The following CACNG2 variants were observed in gnomAD, a reference collection of about 807,000 sequenced individuals.
The protein encoded by CACNG2 is voltage-dependent calcium channel gamma-2 subunit.
CACNG2 carries 3 observed loss-of-function variants against 25.9 expected under a neutral mutation model. The observed-to-expected ratio is 0.12, with a 90% CI of 0.05 to 0.30. The LOEUF is 0.30. CACNG2 is among the 10% of genes least tolerant of loss of function. The pLI is 1.00. For synonymous variants in CACNG2, 167 were observed against 173.3 expected (o/e 0.96, Z 0.29); for missense variants, 341 against 432.5 (o/e 0.79, Z 1.88).
intron 2 of CACNG2, among the ~76,000 whole-genome samples, chr22:36,580,573 T>G (rs904788604): frequency 6.6e-6 from 1 of 152,050 alleles, no homozygotes; most frequent in Non-Finnish European, 1.5e-5. Context: ...TCACACCCCC[T>G]GGAGGGAGTA....
intron 1 of CACNG2, among the ~76,000 whole-genome samples, chr22:36,636,836 T>C (rs959134620): frequency 6.6e-6 from 1 of 152,246 alleles, no homozygotes; most frequent in Non-Finnish European, 1.5e-5. Context: ...TAGGCAGGCA[T>C]TCACGTGGCT....
At chr22:36,577,628 G>C (rs564292387) in intron 2 of CACNG2, among the ~76,000 whole-genome samples, 3 of 146,448 alleles carry the variant, frequency 2.0e-5, no homozygotes, top group Non-Finnish European at 3.0e-5. Flanking sequence ...CCAGTCTGGC[G>C]ACAGAGTGAG....
chr22:36,586,193 C>T (rs930857281), intron 2 of CACNG2, among the ~76,000 whole-genome samples: 3 of 152,234 alleles, frequency 2.0e-5, no homozygotes, highest in African/African-American at 7.2e-5. Context: ...AGGCCCCATC[C>T]ATCTTGGCCT....
chr22:36,599,676 T>C (rs1935725801), intron 1 of CACNG2, among the ~76,000 whole-genome samples: 1 of 152,070 alleles, frequency 6.6e-6, no homozygotes, highest in Non-Finnish European at 1.5e-5. Context: ...CTCCAGTTTG[T>C]GTGACAGAGG....
intron 2 of CACNG2, chr22:36,584,408 T>G (rs1935467643): frequency 6.6e-6 from 1 of 152,394 alleles, no homozygotes; most frequent in South Asian, 2.1e-4. Context: ...TTACTTGCAC[T>G]CCAGCCTGGA....
intron 2 of CACNG2, among the ~76,000 whole-genome samples, chr22:36,579,838 C>T (rs764592301): frequency 6.6e-5 from 10 of 152,228 alleles, no homozygotes; most frequent in African/African-American, 1.7e-4. Flanking sequence ...TCCTTTAGGT[C>T]TCTGCTTCAA....
intron 1 of CACNG2, among the ~76,000 whole-genome samples, chr22:36,619,004 T>C (rs1388529749): frequency 6.6e-6 from 1 of 152,204 alleles, no homozygotes; most frequent in African/African-American, 2.4e-5. Flanking sequence ...GAAATTAACT[T>C]TTAGGGAGTG....
rs113515853 is a variant in CACNG2, at chr22:36,648,451, C to T, written c.211+53915G>A. Among the ~76,000 whole-genome samples the T allele has an allele frequency of 9.8e-4, 149 of 152,308 alleles. No homozygotes were observed. In the Middle Eastern group the frequency reaches 0.01, roughly 10 times the overall value. ...CGACCCTCTCTTGCTAGGTTCCTGC[C>T]GGCATTTCTAGCTTGTCTTGCCCTC... is the stretch of plus-strand genomic sequence containing the variant. On this transcript the variant is annotated intron_variant, in intron 1 of 3. Coordinates refer to ENST00000300105, the MANE Select transcript of CACNG2 (RefSeq NM_006078.5).
At chr22:36,691,227 C>G (rs962160044) in intron 1 of CACNG2, among the ~76,000 whole-genome samples, 1 of 152,132 alleles carries the variant, frequency 6.6e-6, no homozygotes, top group Non-Finnish European at 1.5e-5. Context: ...GGGTGGGAGG[C>G]AGCAGAGAGA....
chr22:36,591,737 G>A (rs1935595896), intron 1 of CACNG2, among the ~76,000 whole-genome samples: 1 of 151,986 alleles, frequency 6.6e-6, no homozygotes, highest in South Asian at 2.1e-4. Flanking sequence ...CAGAGATGGG[G>A]GAGCAATACA....
intron 2 of CACNG2, among the ~76,000 whole-genome samples, chr22:36,572,023 ATTGTC>A (rs1216173000): frequency 6.6e-6 from 1 of 151,996 alleles, no homozygotes; most frequent in Non-Finnish European, 1.5e-5. Context: ...TTCCCTATAA[ATTGTC>A]CTCACTTCCT....
chr22:36,687,039 A>G (rs1255490288), intron 1 of CACNG2, among the ~76,000 whole-genome samples: 1 of 152,228 alleles, frequency 6.6e-6, no homozygotes, highest in Non-Finnish European at 1.5e-5. Flanking sequence ...CCTTCTCAGG[A>G]GCCAGGTGAC....
At chr22:36,657,225 C>T (rs1434902130) in intron 1 of CACNG2, among the ~76,000 whole-genome samples, 1 of 152,196 alleles carries the variant, frequency 6.6e-6, no homozygotes, top group African/African-American at 2.4e-5. Context: ...GACTTTTTGC[C>T]TTCTTCCGGA....
chr22:36,701,651 C>T (rs1937413081), intron 1 of CACNG2, among the ~76,000 whole-genome samples: 2 of 152,104 alleles, frequency 1.3e-5, no homozygotes, highest in Admixed American at 1.3e-4. Flanking sequence ...GCCTAACCCG[C>T]AAGTGAATTG....
At chr22:36,652,966 G>A (rs1039019807) in intron 1 of CACNG2, among the ~76,000 whole-genome samples, 1 of 152,170 alleles carries the variant, frequency 6.6e-6, no homozygotes, top group Non-Finnish European at 1.5e-5. Context: ...CCCCCGGGCT[G>A]TAGGCAAAGA....
intron 2 of CACNG2, among the ~76,000 whole-genome samples, chr22:36,576,597 T>C (rs1935319265): frequency 6.7e-6 from 1 of 149,208 alleles, no homozygotes; most frequent in Admixed American, 6.7e-5. Flanking sequence ...TGTGTATGTG[T>C]GTGTGTGTGT....
At chr22:36,600,544 TAAATTTG>T (rs920111521) in intron 1 of CACNG2, among the ~76,000 whole-genome samples, 9 of 149,020 alleles carry the variant, frequency 6.0e-5, no homozygotes, top group African/African-American at 2.2e-4. Flanking sequence ...GCTTGATTTT[TAAATTTG>T]TTTTTTTTTT....
chr22:36,624,846 G>T (rs1936160053), intron 1 of CACNG2, among the ~76,000 whole-genome samples: 1 of 151,880 alleles, frequency 6.6e-6, no homozygotes, highest in South Asian at 2.1e-4. Context: ...TGGCCAACAT[G>T]GTGAAACCCT....
At chr22:36,569,976 AG>A (rs1935197120) in intron 2 of CACNG2, among the ~76,000 whole-genome samples, 1 of 152,248 alleles carries the variant, frequency 6.6e-6, no homozygotes, top group Non-Finnish European at 1.5e-5. Flanking sequence ...AGCAGCTCAG[AG>A]GAACAGGCAG....
Sources: gnomAD v4.1 joint callset for allele counts (sites outside exome capture counted in the v4.1 genomes callset) on GRCh38, gnomAD v4.1.1 for gene constraint, MANE v1.5 for transcripts, NCBI Gene and HGNC (gene_info 2026-07-23, HGNC 2026-07-21) for gene names.